CNTNAP2: variants seen among roughly 807,000 people sequenced by gnomAD.
CNTNAP2 encodes the protein contactin associated protein 2.
A neutral mutation model predicts 155.2 loss-of-function variants in CNTNAP2; 98 were observed. The ratio of observed to expected loss-of-function variants is 0.63; its 90% CI spans 0.54 to 0.75. The LOEUF (loss-of-function observed/expected upper bound fraction) is 0.75. CNTNAP2 is among the 30% of genes least tolerant of loss of function. CNTNAP2 has a pLI of 0.00. For missense variants in CNTNAP2, 1,727 were observed against 1,688.1 expected (o/e 1.02, Z -0.40); for synonymous variants, 651 against 631.2 (o/e 1.03, Z -0.47).
intron 1 of CNTNAP2, among the ~76,000 whole-genome samples, chr7:146,703,089 G>A (rs1276950442): frequency 6.6e-6 from 1 of 152,090 alleles, no homozygotes; most frequent in Non-Finnish European, 1.5e-5. Flanking sequence ...AGTTACAAAA[G>A]AAAAAGCCAA....
chr7:147,301,679 C>T (rs1794949163), intron 9 of CNTNAP2, among the ~76,000 whole-genome samples: 1 of 146,128 alleles, frequency 6.8e-6, no homozygotes, highest in Non-Finnish European at 1.5e-5. Flanking sequence ...ATGAGAGCAG[C>T]CACCTTGTTT....
intron 3 of CNTNAP2, among the ~76,000 whole-genome samples, chr7:146,890,963 A>C (rs922060522): frequency 3.3e-5 from 5 of 152,202 alleles, no homozygotes; most frequent in Non-Finnish European, 7.3e-5. Flanking sequence ...GCACTATCAC[A>C]ATAGCAAAGA....
intron 2 of CNTNAP2, among the ~76,000 whole-genome samples, chr7:146,823,961 T>C (rs946935848): frequency 5.3e-5 from 8 of 152,188 alleles, no homozygotes; most frequent in Non-Finnish European, 1.0e-4. Context: ...GGTGGTTTGC[T>C]GCACCAATTA....
chr7:148,015,798 A>T (rs565651103), intron 15 of CNTNAP2, among the ~76,000 whole-genome samples: 21 of 152,342 alleles, frequency 1.4e-4, no homozygotes, highest in Non-Finnish European at 1.0e-4. Flanking sequence ...TCCAGAAGAC[A>T]AAGAGATTAG....
chr7:147,750,891 T>C (rs1261660823), intron 13 of CNTNAP2, among the ~76,000 whole-genome samples: 2 of 151,776 alleles, frequency 1.3e-5, no homozygotes, highest in Non-Finnish European at 2.9e-5. Flanking sequence ...ACAAAAACAT[T>C]TGGCTGGGCA....
At chr7:146,633,484 T>C (rs902590597) in intron 1 of CNTNAP2, among the ~76,000 whole-genome samples, 2 of 152,146 alleles carry the variant, frequency 1.3e-5, no homozygotes, top group Non-Finnish European at 2.9e-5. Context: ...TTGATGTTAG[T>C]GTGAAGTTAA....
chr7:147,871,238 T>C (rs775049143), intron 13 of CNTNAP2, among the ~76,000 whole-genome samples: 1 of 152,188 alleles, frequency 6.6e-6, no homozygotes, highest in East Asian at 1.9e-4. Flanking sequence ...GTTGTTGCTA[T>C]TTGTATTAGG....
At chr7:148,048,654 C>T (rs1802821751) in intron 15 of CNTNAP2, among the ~76,000 whole-genome samples, 1 of 152,076 alleles carries the variant, frequency 6.6e-6, no homozygotes, top group African/African-American at 2.4e-5. Flanking sequence ...TCGAGAAGAT[C>T]ACCTAAAATG....
At chr7:146,805,238 T>C (rs1802946466) in intron 2 of CNTNAP2, among the ~76,000 whole-genome samples, 2 of 152,186 alleles carry the variant, frequency 1.3e-5, no homozygotes, top group South Asian at 4.1e-4. Flanking sequence ...ATACTGACAG[T>C]GCTTACATGG....
intron 1 of CNTNAP2, among the ~76,000 whole-genome samples, chr7:146,356,409 C>A (rs928778216): frequency 6.6e-6 from 1 of 152,088 alleles, no homozygotes; most frequent in Admixed American, 6.6e-5. Flanking sequence ...AAGGTTTAAC[C>A]GAACATAGCC....
rs562190926 is a variant in CNTNAP2 at position 147,134,795 on chromosome 7, A to G, written c.1348+2286A>G. Among the ~76,000 whole-genome samples the G allele has an allele frequency of 2.6e-5, 4 of 152,080 alleles. No individual in the cohort carries two copies. The East Asian group carries it at 7.7e-4, about 29-fold the overall frequency. On this transcript the variant is annotated intron_variant, in intron 8 of 23. Transcript: ENST00000361727. ...TGTTTGCTTTAACAAAGGGAAATAT[A>G]TCTGTATCACAGCTATTCTACTCTT...
intron 1 of CNTNAP2, among the ~76,000 whole-genome samples, chr7:146,193,199 G>A (rs1385494955): frequency 2.0e-5 from 3 of 152,208 alleles, no homozygotes; most frequent in Admixed American, 6.5e-5. Flanking sequence ...GCTGTAAGCT[G>A]TCAGTGGTTC....
At chr7:146,515,284 A>G (rs1371693249) in intron 1 of CNTNAP2, among the ~76,000 whole-genome samples, 2 of 152,096 alleles carry the variant, frequency 1.3e-5, no homozygotes, top group East Asian at 3.9e-4. Flanking sequence ...CTGCAGAGGA[A>G]TCCAAGATAA....
At chr7:146,833,340 T>C (rs1803552073) in intron 2 of CNTNAP2, among the ~76,000 whole-genome samples, 1 of 152,164 alleles carries the variant, frequency 6.6e-6, no homozygotes, top group South Asian at 2.1e-4. Context: ...CATGTTCTTC[T>C]TGACAGCCAG....
At chr7:148,173,487 C>G (rs1794868894) in intron 18 of CNTNAP2, among the ~76,000 whole-genome samples, 1 of 152,194 alleles carries the variant, frequency 6.6e-6, no homozygotes, top group Non-Finnish European at 1.5e-5. Flanking sequence ...ATGCCACACA[C>G]AGAAGGAGGA....
intron 10 of CNTNAP2, among the ~76,000 whole-genome samples, chr7:147,448,484 G>GTGTGTATA (rs778509274): frequency 1.4e-5 from 2 of 143,414 alleles, no homozygotes; most frequent in Non-Finnish European, 3.0e-5. Context: ...GTGTGTGTGT[G>GTGTGTATA]TATATATATA....
chr7:147,794,817 G>A (rs900344126), intron 13 of CNTNAP2, among the ~76,000 whole-genome samples: 2 of 151,140 alleles, frequency 1.3e-5, no homozygotes, highest in African/African-American at 4.9e-5. Context: ...GGTCAGTTTT[G>A]GTAGTTTGTA....
At chr7:146,695,730 TA>T (rs1800771314) in intron 1 of CNTNAP2, among the ~76,000 whole-genome samples, 1 of 152,148 alleles carries the variant, frequency 6.6e-6, no homozygotes, top group Admixed American at 6.6e-5. Context: ...CCAGGCCAAT[TA>T]ATGTTTAATT....
intron 14 of CNTNAP2, among the ~76,000 whole-genome samples, chr7:147,954,613 A>G (rs1223584376): frequency 6.6e-6 from 1 of 152,198 alleles, no homozygotes. Flanking sequence ...ACTGAAAAGC[A>G]TAGTTATTTT....
Sources: gnomAD v4.1 joint callset for allele counts (sites outside exome capture counted in the v4.1 genomes callset) on GRCh38, gnomAD v4.1.1 for gene constraint, MANE v1.5 for transcripts, NCBI Gene and HGNC (gene_info 2026-07-23, HGNC 2026-07-21) for gene names.